Variants in OCA2 observed in about 807,000 individuals in gnomAD.
The protein encoded by OCA2 is P protein.
Under a neutral mutation model 100.2 loss-of-function variants are expected in OCA2, and 77 were observed. The ratio of observed to expected loss-of-function variants is 0.77; its 90% CI spans 0.64 to 0.93. The LOEUF (loss-of-function observed/expected upper bound fraction) is 0.93, where lower values mean the gene tolerates loss of function less well. OCA2 is among the 40% of genes least tolerant of loss of function. OCA2 has a pLI of 0.00. For synonymous variants in OCA2, 432 were observed against 439.2 expected (o/e 0.98, Z 0.21); for missense variants, 1,062 against 1,089.1 (o/e 0.98, Z 0.35).
At position 27,839,051 on chromosome 15, in the gene OCA2, G is replaced by C. The variant is rs573415078; in HGVS notation, c.2432+5908C>G. On this transcript the variant is annotated intron_variant, in intron 23 of 23. Coordinates refer to ENST00000354638, the MANE Select transcript of OCA2 (RefSeq NM_000275.3). ...TTTGAAAGCAGAAATACTTCAATTA[G>C]TAAGTGCGTGGAGAAAGAAGGGAAG... is the stretch of plus-strand genomic sequence containing the variant. Among the ~76,000 whole-genome samples the C allele has an allele frequency of 2.6e-5, 4 of 152,284 alleles. No homozygotes were observed. In the South Asian group the frequency reaches 8.3e-4, roughly 32 times the overall value.
intron 21 of OCA2, among the ~76,000 whole-genome samples, chr15:27,866,327 G>A (rs375475658): frequency 2.1e-4 from 32 of 152,324 alleles, no homozygotes; most frequent in African/African-American, 7.7e-4. Context: ...CATCACTGAA[G>A]ATGAGGGTGT....
intron 2 of OCA2, among the ~76,000 whole-genome samples, chr15:28,070,821 A>G (rs2044235747): frequency 1.4e-5 from 2 of 144,024 alleles, no homozygotes; most frequent in African/African-American, 5.2e-5. Context: ...TGCACTAAGA[A>G]AAATTCCTCT....
chr15:27,945,306 G>C (rs2039793406), intron 18 of OCA2, among the ~76,000 whole-genome samples: 1 of 152,182 alleles, frequency 6.6e-6, no homozygotes, highest in South Asian at 2.1e-4. Flanking sequence ...AGGCCAAGCA[G>C]ACTCCTCTTC....
intron 19 of OCA2, chr15:27,895,748 T>C (rs16950498): frequency 0.03 from 9,723 of 321,018 alleles, 900 homozygotes; most frequent in African/African-American, 0.19. Context: ...CTTTAAGAGA[T>C]ATCAAGCGAA....
At chr15:27,738,600 T>G in the OCA2 span, among the ~76,000 whole-genome samples, 1 of 151,642 alleles carries the variant, frequency 6.6e-6, no homozygotes, top group East Asian at 2.0e-4. Flanking sequence ...CCGGGCATGG[T>G]GGTGGGCGCC....
rs1258233453 is a variant in OCA2 at position 28,022,514 on chromosome 15, C to T, written c.633G>A (p.Pro211=). The part of the protein sequence containing the change: ...GKLWQLLALS[P]LENYSVNLSS... ...GATTTTGGATACAGTAGTTCTCCAG[C>T]GGTGATAAGGCCAACAGCTGCCAGA... Residue 211 remains proline, a synonymous_variant, in exon 6 of 24, where the codon CCG becomes CCA. Coordinates refer to ENST00000354638, the MANE Select transcript of OCA2 (RefSeq NM_000275.3). 9.3e-6 allele frequency: 15 copies of T among 1,612,626 alleles called. No individual in the cohort carries two copies. The highest frequency in any genetic ancestry group is 1.2e-5 in the Non-Finnish European group (14 of 1,178,910).
intron 14 of OCA2, among the ~76,000 whole-genome samples, chr15:27,982,460 C>T (rs1315264659): frequency 6.6e-6 from 1 of 152,188 alleles, no homozygotes; most frequent in East Asian, 1.9e-4. Flanking sequence ...ACCATGGCTG[C>T]ACACCTCAGT....
At chr15:28,020,749 T>C (rs2042568359) in intron 6 of OCA2, among the ~76,000 whole-genome samples, 1 of 152,212 alleles carries the variant, frequency 6.6e-6, no homozygotes, top group Non-Finnish European at 1.5e-5. Flanking sequence ...CGCACTCAGC[T>C]GACATCAGCA....
At chr15:27,741,006 T>C in the OCA2 span, among the ~76,000 whole-genome samples, 1 of 152,218 alleles carries the variant, frequency 6.6e-6, no homozygotes, top group African/African-American at 2.4e-5. Context: ...AGCTGAAGGC[T>C]CAGCAGCATT....
intron 23 of OCA2, among the ~76,000 whole-genome samples, chr15:27,799,289 T>C (rs12911001): frequency 0.54 from 81,633 of 152,044 alleles, 22,463 homozygotes; most frequent in South Asian, 0.76. Flanking sequence ...AGTGAACACG[T>C]AGAGGTCTCT....
intron 8 of OCA2, 67 bp downstream of exon 8, chr15:28,016,037 G>T (rs2042380316): frequency 7.8e-7 from 1 of 1,275,192 alleles, no homozygotes; most frequent in Admixed American, 1.7e-5. Flanking sequence ...TGTCCTATAG[G>T]TCAGACTCCT....
At chr15:27,831,929 A>G (rs547009731) in intron 23 of OCA2, among the ~76,000 whole-genome samples, 4 of 152,216 alleles carry the variant, frequency 2.6e-5, no homozygotes, top group Non-Finnish European at 5.9e-5. Flanking sequence ...GATAGCACCC[A>G]GGCTGACGTC....
intron 23 of OCA2, among the ~76,000 whole-genome samples, chr15:27,819,822 T>C (rs1208856423): frequency 6.6e-6 from 1 of 152,194 alleles, no homozygotes; most frequent in Admixed American, 6.5e-5. Context: ...TGAGCACACC[T>C]AGATCCCAGA....
At chr15:27,958,201 A>T (rs75955859) in intron 15 of OCA2, among the ~76,000 whole-genome samples, 3 of 150,900 alleles carry the variant, frequency 2.0e-5, no homozygotes, top group African/African-American at 4.9e-5. Context: ...AAAGTGTAAT[A>T]AAAAAAAAAT....
At position 27,897,385 on chromosome 15, in the gene OCA2, T is replaced by C. The variant is rs1041729374; in HGVS notation, c.2080-25463A>G. Among the ~76,000 whole-genome samples, 6 of 152,028 alleles carry C rather than the reference T, an allele frequency of 3.9e-5. No individual in the cohort carries two copies. In the South Asian group the frequency reaches 1.2e-3, roughly 32 times the overall value. On this transcript the variant is annotated intron_variant, in intron 19 of 23. Coordinates refer to ENST00000354638, the MANE Select transcript of OCA2 (RefSeq NM_000275.3). ...GGTCGGGCCCAGCACCTCCCTGCTC[T>C]GTGCAGCCCAGGGACTTGGTGCCCT...
At chr15:27,905,396 C>T (rs535404901) in intron 19 of OCA2, among the ~76,000 whole-genome samples, 1 of 152,332 alleles carries the variant, frequency 6.6e-6, no homozygotes, top group Admixed American at 6.5e-5. Context: ...CCTGCTCTCT[C>T]TCTCACTGCT....
At chr15:27,952,664 A>G (rs892463214) in intron 17 of OCA2, among the ~76,000 whole-genome samples, 16 of 148,792 alleles carry the variant, frequency 1.1e-4, no homozygotes, top group Non-Finnish European at 1.9e-4. Context: ...TTATTTATTT[A>G]TTTATTTTTA....
intron 14 of OCA2, among the ~76,000 whole-genome samples, chr15:27,971,756 C>T (rs2140883524): frequency 6.6e-6 from 1 of 152,344 alleles, no homozygotes; most frequent in African/African-American, 2.4e-5. Context: ...GACTTCTTTA[C>T]TGTTCCAAAC....
At chr15:27,758,250 G>T (rs1241025439) in intron 23 of OCA2, among the ~76,000 whole-genome samples, 1 of 152,172 alleles carries the variant, frequency 6.6e-6, no homozygotes, top group East Asian at 1.9e-4. Context: ...AAAGCCCCAA[G>T]AGAAGCCTGC....
Sources: gnomAD v4.1 joint callset for allele counts (sites outside exome capture counted in the v4.1 genomes callset) on GRCh38, gnomAD v4.1.1 for gene constraint, MANE v1.5 for transcripts, NCBI Gene and HGNC (gene_info 2026-07-23, HGNC 2026-07-21) for gene names.